HMCN1: variants seen among roughly 807,000 people sequenced by gnomAD.
HMCN1 encodes hemicentin-1.
In HMCN1, 321 loss-of-function variants were observed where a neutral mutation model predicts 625.9. That is an observed-to-expected ratio of 0.51 (90% CI 0.47 to 0.56). HMCN1 has a LOEUF of 0.56. HMCN1 is among the 20% of genes least tolerant of loss of function. The pLI is 0.00. For synonymous variants in HMCN1, 2,425 were observed against 2,417.6 expected (o/e 1.00, Z -0.09); for missense variants, 6,588 against 6,887.3 (o/e 0.96, Z 1.54).
At chr1:185,830,529 T>C (rs1226087897) in intron 1 of HMCN1, among the ~76,000 whole-genome samples, 1 of 152,184 alleles carries the variant, frequency 6.6e-6, no homozygotes, top group Non-Finnish European at 1.5e-5. Context: ...TGCTTGTTCT[T>C]GTCAGGCTTG....
At chr1:185,998,509 AAGG>A (rs1652959371) in intron 25 of HMCN1, among the ~76,000 whole-genome samples, 1 of 152,112 alleles carries the variant, frequency 6.6e-6, no homozygotes, top group African/African-American at 2.4e-5. Context: ...TGAAGCCTGG[AAGG>A]AGGCCTTCTT....
Position 186,172,124 on chromosome 1 carries a change from C to T in HMCN1, c.15807C>T (p.Thr5269=). The part of the protein sequence containing the change: ...PNGMTKAENG[T]CIDIDECKDG... ...GAATGACCAAGGCAGAAAATGGAAC[C>T]TGTATTGGTGAGTGTCTGGCTGTTT... Residue 5269 remains threonine (T), a synonymous_variant, in exon 102 of 107, where the codon ACC becomes ACT. Coordinates refer to ENST00000271588, the MANE Select transcript of HMCN1 (RefSeq NM_031935.3). The T allele has an allele frequency of 6.2e-7, 1 of 1,613,674 alleles. No homozygotes were observed. Among genetic ancestry groups the T allele is most frequent in the Non-Finnish European group, 8.5e-7 (1 of 1,179,656 alleles).
rs1309707539 is a variant in HMCN1 at position 186,055,404 on chromosome 1, A to G, written c.6874A>G (p.Ile2292Val). The change falls in exon 45 of 107, where the codon ATA (isoleucine) becomes GTA (valine). Residue 2292 changes from isoleucine (I) to valine (V), a missense_variant. Ile to Val is a conservative substitution (Grantham distance 29, BLOSUM62 3). Coordinates refer to ENST00000271588, the MANE Select transcript of HMCN1 (RefSeq NM_031935.3). ...YNLQVYIRPTITNSGSHPTEI... is the reference protein window; with the variant it reads ...YNLQVYIRPTVTNSGSHPTEI... ...CCTCCAACCCTCAGTTAGACCAACCATAACCAACAGTGGCAGCCACCCTAC... is the reference window on the plus strand; with the variant it reads ...CCTCCAACCCTCAGTTAGACCAACCGTAACCAACAGTGGCAGCCACCCTAC... 8.1e-6 allele frequency: 13 copies of G among 1,612,442 alleles called. No individual in the cohort carries two copies. Among genetic ancestry groups the G allele is most frequent in the South Asian group, 4.4e-5 (4 of 91,062 alleles).
At chr1:186,038,379 C>T (rs1354559230) in intron 37 of HMCN1, among the ~76,000 whole-genome samples, 4 of 152,002 alleles carry the variant, frequency 2.6e-5, no homozygotes, top group African/African-American at 7.2e-5. Flanking sequence ...ATAAAATTGT[C>T]GTTCTAATGA....
chr1:186,114,740 T>G (rs907228618), intron 73 of HMCN1, 79 bp from the exon 74 acceptor site: 7 of 1,528,174 alleles, frequency 4.6e-6, no homozygotes, highest in Non-Finnish European at 6.3e-6. Context: ...TCACCAAGTG[T>G]TTAACATTTC....
chr1:185,778,953 C>G (rs991612515), intron 1 of HMCN1, among the ~76,000 whole-genome samples: 7 of 152,246 alleles, frequency 4.6e-5, no homozygotes, highest in South Asian at 2.1e-4. Context: ...CTAGTTTACA[C>G]TGCCACCAAC....
intron 4 of HMCN1, among the ~76,000 whole-genome samples, chr1:185,880,681 T>A (rs1468985041): frequency 6.6e-6 from 1 of 152,150 alleles, no homozygotes; most frequent in Non-Finnish European, 1.5e-5. Context: ...CCTACCAGAG[T>A]GCCAGGCATA....
At chr1:186,064,926 A>AAT (rs1233581694) in intron 48 of HMCN1, among the ~76,000 whole-genome samples, 27 of 152,118 alleles carry the variant, frequency 1.8e-4, no homozygotes, top group Non-Finnish European at 3.8e-4. Flanking sequence ...ACTTAGTTGT[A>AAT]ATAGTCTAAA....
At chr1:185,784,381 C>T (rs1657403469) in intron 1 of HMCN1, among the ~76,000 whole-genome samples, 1 of 152,152 alleles carries the variant, frequency 6.6e-6, no homozygotes. Context: ...TCCGACAAGC[C>T]CCAGTGATAT....
intron 4 of HMCN1, among the ~76,000 whole-genome samples, chr1:185,878,658 G>C (rs1296937127): frequency 6.6e-6 from 1 of 151,978 alleles, no homozygotes; most frequent in African/African-American, 2.4e-5. Flanking sequence ...GAGGATTTTG[G>C]GGTCTATATT....
chr1:185,864,770 C>A (rs1663078368), intron 3 of HMCN1, 142 bp downstream of exon 3: 1 of 773,272 alleles, frequency 1.3e-6, no homozygotes, highest in African/African-American at 1.7e-5. Context: ...ATGTATATGT[C>A]ATCTGATTTA....
At chr1:185,951,546 G>C (rs1477224129) in intron 11 of HMCN1, among the ~76,000 whole-genome samples, 3 of 150,288 alleles carry the variant, frequency 2.0e-5, no homozygotes, top group Admixed American at 2.0e-4. Flanking sequence ...TGAGGCGATC[G>C]GGCAGTGTCA....
intron 64 of HMCN1, 73 bp downstream of exon 64, chr1:186,090,990 T>G: frequency 1.4e-6 from 2 of 1,439,306 alleles, no homozygotes; most frequent in South Asian, 1.2e-5. Flanking sequence ...AAATTTCACA[T>G]GAATAATAAT....
At chr1:186,092,098 G>GAT (rs1293650249) in intron 64 of HMCN1, among the ~76,000 whole-genome samples, 1 of 151,710 alleles carries the variant, frequency 6.6e-6, no homozygotes, top group Non-Finnish European at 1.5e-5. Context: ...TTTTATATAA[G>GAT]ATAGTATTCA....
intron 3 of HMCN1, among the ~76,000 whole-genome samples, chr1:185,865,466 T>C (rs1407924096): frequency 3.3e-5 from 5 of 152,060 alleles, no homozygotes; most frequent in African/African-American, 7.2e-5. Context: ...TCTAGCATAG[T>C]CATGGTCTCA....
chr1:185,979,787 C>T (rs1651487403), intron 16 of HMCN1, among the ~76,000 whole-genome samples: 1 of 152,166 alleles, frequency 6.6e-6, no homozygotes, highest in South Asian at 2.1e-4. Context: ...TAGTATGGGA[C>T]TATGGATGCT....
Position 186,088,262 on chromosome 1 carries a change from A to G in HMCN1, c.9563A>G (p.Asn3188Ser). ...IPPPTIAWLK[N>S]HKRIENSDSL... is the part of the protein sequence containing the mutation. The stretch of plus-strand genomic sequence containing the variant: ...CCTCCCACGATAGCATGGTTAAAGA[A>G]CCACAAGCGCATAGGTAAGGCAACC... The change falls in exon 62 of 107, where the codon AAC (asparagine) becomes AGC (serine). Residue 3188 changes from asparagine to serine, a missense_variant. Physicochemically the swap from Asn to Ser is conservative, Grantham distance 46. Transcript: ENST00000271588. 6.2e-7 allele frequency: 1 copy of G among 1,612,764 alleles called. No homozygotes were observed. Among genetic ancestry groups the G allele is most frequent in the South Asian group, 1.1e-5 (1 of 91,072 alleles).
At chr1:185,938,557 C>T (rs955530797) in intron 11 of HMCN1, among the ~76,000 whole-genome samples, 1 of 151,788 alleles carries the variant, frequency 6.6e-6, no homozygotes, top group African/African-American at 2.4e-5. Context: ...TTCCTTATTC[C>T]CTAGATCTCA....
At chr1:186,089,359 T>C (rs1055700736) in intron 63 of HMCN1, among the ~76,000 whole-genome samples, 1 of 152,000 alleles carries the variant, frequency 6.6e-6, no homozygotes, top group Non-Finnish European at 1.5e-5. Context: ...TGAAACTAAG[T>C]TGAAATACTT....
Sources: allele counts gnomAD v4.1 joint callset (sites outside exome capture counted in the v4.1 genomes callset), GRCh38; gene constraint gnomAD v4.1.1; transcripts MANE v1.5; gene names NCBI Gene and HGNC (gene_info 2026-07-23, HGNC 2026-07-21).